Variants in RIMS1 observed in about 807,000 individuals in gnomAD.
RIMS1 encodes regulating synaptic membrane exocytosis protein 1.
RIMS1 carries 83 observed loss-of-function variants against 214.1 expected under a neutral mutation model. The observed-to-expected ratio is 0.39, with a 90% CI of 0.32 to 0.47. RIMS1 has a LOEUF of 0.47. Ranked by LOEUF, RIMS1 falls within the 20% of genes least tolerant of loss-of-function variation. The pLI is 0.99. For missense variants in RIMS1, 2,050 were observed against 2,161.8 expected (o/e 0.95, Z 1.03); for synonymous variants, 793 against 786.8 (o/e 1.01, Z -0.13).
intron 1 of RIMS1, among the ~76,000 whole-genome samples, chr6:71,904,843 A>G (rs539599920): frequency 3.3e-5 from 5 of 152,280 alleles, no homozygotes; most frequent in African/African-American, 1.2e-4. Context: ...TCTATAGAAC[A>G]CTTGCAAATG....
At chr6:72,277,535 T>A (rs1407309074) in intron 23 of RIMS1, among the ~76,000 whole-genome samples, 1 of 150,632 alleles carries the variant, frequency 6.6e-6, no homozygotes, top group African/African-American at 2.4e-5. Context: ...TGAGCCGACA[T>A]CGCGCCACTG....
Position 72,333,287 on chromosome 6 carries a change from A to G in RIMS1, c.4131-313A>G, listed in dbSNP as rs559611484. Among the ~76,000 whole-genome samples, 11 of 152,070 alleles carry G rather than the reference A, an allele frequency of 7.2e-5. No homozygotes were observed. In the East Asian group the frequency reaches 2.1e-3, roughly 30 times the overall value. ...GTTTTTCTCTGGTAACATAGTAACT[A>G]TACTGTTTACAAAATTGGTCAGTAA... On this transcript the variant is annotated intron_variant, in intron 28 of 33. Transcript: ENST00000521978.
At chr6:72,281,682 T>A (rs754290557) in intron 23 of RIMS1, among the ~76,000 whole-genome samples, 2 of 152,030 alleles carry the variant, frequency 1.3e-5, no homozygotes, top group African/African-American at 4.8e-5. Flanking sequence ...TCCCTTTTCC[T>A]GAGATACTTT....
intron 16 of RIMS1, among the ~76,000 whole-genome samples, chr6:72,254,809 A>G (rs1469634174): frequency 6.6e-6 from 1 of 152,210 alleles, no homozygotes; most frequent in African/African-American, 2.4e-5. Context: ...GGAGCACTGA[A>G]TTCTAAATAT....
rs1199437821 is a variant in RIMS1 at position 72,401,526 on chromosome 6, A to T, written c.*812A>T. On this transcript the variant is annotated 3_prime_UTR_variant, in exon 34 of 34. Coordinates refer to ENST00000521978, the MANE Select transcript of RIMS1 (RefSeq NM_014989.7). ...TCTAGAAAATTAATTTATGGTTTCC[A>T]TTGTTTTGCATGGAAGACTTTTAAA... 2 of 152,658 alleles carry T rather than the reference A, an allele frequency of 1.3e-5. No homozygotes were observed. The highest frequency in any genetic ancestry group is 2.9e-5 in the Non-Finnish European group (2 of 68,040). The allele number at this position is 152,658 out of a possible 1,614,324, so 9.5% of individuals were successfully genotyped here.
intron 4 of RIMS1, among the ~76,000 whole-genome samples, chr6:72,126,530 A>G (rs1277190247): frequency 6.6e-6 from 1 of 152,088 alleles, no homozygotes; most frequent in Non-Finnish European, 1.5e-5. Context: ...CATTCAACAA[A>G]GGACTAATAT....
chr6:72,385,560 A>G (rs1175274111), intron 29 of RIMS1, among the ~76,000 whole-genome samples: 1 of 152,248 alleles, frequency 6.6e-6, no homozygotes, highest in Non-Finnish European at 1.5e-5. Flanking sequence ...ACTAAGATTT[A>G]GAAAGACAGG....
chr6:72,365,070 C>CT (rs1418746891), intron 29 of RIMS1, among the ~76,000 whole-genome samples: 1 of 152,236 alleles, frequency 6.6e-6, no homozygotes, highest in Non-Finnish European at 1.5e-5. Context: ...GAGTCTCCAC[C>CT]TAATTGTGTG....
At chr6:72,142,151 A>G (rs1170441600) in intron 4 of RIMS1, among the ~76,000 whole-genome samples, 1 of 151,932 alleles carries the variant, frequency 6.6e-6, no homozygotes, top group Admixed American at 6.6e-5. Flanking sequence ...GCCCCTCTAA[A>G]TATCAAGCCA....
chr6:72,123,222 G>A (rs1389933811), intron 4 of RIMS1, among the ~76,000 whole-genome samples: 15 of 151,634 alleles, frequency 9.9e-5, no homozygotes, highest in African/African-American at 3.4e-4. Flanking sequence ...CCTTCATTTC[G>A]TTATTTACCC....
intron 2 of RIMS1, among the ~76,000 whole-genome samples, chr6:72,051,616 T>C (rs1366401557): frequency 6.6e-6 from 1 of 152,172 alleles, no homozygotes; most frequent in African/African-American, 2.4e-5. Flanking sequence ...CCTGAGAATA[T>C]TCCTCTTACC....
intron 1 of RIMS1, among the ~76,000 whole-genome samples, chr6:71,959,181 A>G (rs551281178): frequency 6.6e-6 from 1 of 152,278 alleles, no homozygotes; most frequent in South Asian, 2.1e-4. Flanking sequence ...AGGTAATAAC[A>G]CATTTTCATA....
intron 4 of RIMS1, among the ~76,000 whole-genome samples, chr6:72,132,947 CAT>C (rs2040678906): frequency 6.6e-6 from 1 of 151,788 alleles, no homozygotes; most frequent in Non-Finnish European, 1.5e-5. Context: ...GTAAAATATC[CAT>C]ATGTTTTTTA....
At chr6:72,048,440 A>T (rs1823683347) in intron 2 of RIMS1, among the ~76,000 whole-genome samples, 1 of 152,226 alleles carries the variant, frequency 6.6e-6, no homozygotes, top group African/African-American at 2.4e-5. Flanking sequence ...GCTGACAATA[A>T]TATGTTTTCA....
At chr6:71,904,165 C>T (rs1246519122) in intron 1 of RIMS1, among the ~76,000 whole-genome samples, 1 of 152,152 alleles carries the variant, frequency 6.6e-6, no homozygotes, top group Non-Finnish European at 1.5e-5. Context: ...ATAGGGAAAG[C>T]TCTGACCACA....
chr6:72,332,831 T>C (rs1038469404), intron 28 of RIMS1, among the ~76,000 whole-genome samples: 2 of 151,798 alleles, frequency 1.3e-5, no homozygotes, highest in African/African-American at 4.8e-5. Context: ...AACAATAATA[T>C]ATTCTTTGGG....
At chr6:71,908,815 A>G (rs1440822345) in intron 1 of RIMS1, among the ~76,000 whole-genome samples, 3 of 152,158 alleles carry the variant, frequency 2.0e-5, no homozygotes. Context: ...CTACCACCAT[A>G]TATTTTTGTT....
intron 1 of RIMS1, among the ~76,000 whole-genome samples, chr6:71,954,711 T>C (rs1418244812): frequency 1.3e-5 from 2 of 151,984 alleles, no homozygotes. Flanking sequence ...TTTTTTTACT[T>C]CTTTATTGAG....
chr6:72,172,747 C>T (rs2153956731), intron 4 of RIMS1, among the ~76,000 whole-genome samples: 1 of 152,268 alleles, frequency 6.6e-6, no homozygotes, highest in Non-Finnish European at 1.5e-5. Context: ...TTCCTTTATC[C>T]TATGAAGTTT....
Sources: gnomAD v4.1 joint callset for allele counts (sites outside exome capture counted in the v4.1 genomes callset) on GRCh38, gnomAD v4.1.1 for gene constraint, MANE v1.5 for transcripts, NCBI Gene and HGNC (gene_info 2026-07-23, HGNC 2026-07-21) for gene names.